The following BNC2 variants were observed in gnomAD, a reference collection of about 807,000 sequenced individuals.
BNC2 encodes the protein basonuclin zinc finger protein 2.
BNC2 carries 20 observed loss-of-function variants against 76.3 expected under a neutral mutation model. The observed-to-expected ratio is 0.26, with a 90% CI of 0.18 to 0.38. The LOEUF (loss-of-function observed/expected upper bound fraction) is 0.38, where lower values mean the gene tolerates loss of function less well. BNC2 is among the 10% of genes least tolerant of loss of function. The pLI, the probability that BNC2 is intolerant of heterozygous loss-of-function variation, is 1.00. For synonymous variants in BNC2, 582 were observed against 514.8 expected (o/e 1.13, Z -1.77); for missense variants, 1,382 against 1,399.8 (o/e 0.99, Z 0.20).
At chr9:16,790,249 G>A (rs374023093) in intron 1 of BNC2, among the ~76,000 whole-genome samples, 11 of 152,192 alleles carry the variant, frequency 7.2e-5, no homozygotes, top group Admixed American at 2.0e-4. Context: ...CGCCCGCCTC[G>A]GCCTCCCAAA....
chr9:16,561,698 T>G, intron 4 of BNC2, among the ~76,000 whole-genome samples: 1 of 152,154 alleles, frequency 6.6e-6, no homozygotes, highest in South Asian at 2.1e-4. Flanking sequence ...TAATTCACAA[T>G]TTGATTATTA....
intron 1 of BNC2, among the ~76,000 whole-genome samples, chr9:16,766,611 T>C (rs563705588): frequency 6.6e-6 from 1 of 152,198 alleles, no homozygotes; most frequent in Non-Finnish European, 1.5e-5. Flanking sequence ...GCAAAATAAT[T>C]TCATGTGTTT....
intron 4 of BNC2, among the ~76,000 whole-genome samples, chr9:16,557,143 T>G (rs1818859127): frequency 6.6e-6 from 1 of 152,130 alleles, no homozygotes; most frequent in Admixed American, 6.5e-5. Flanking sequence ...AGATGTCACC[T>G]ACTTTAATAT....
intron 1 of BNC2, among the ~76,000 whole-genome samples, chr9:16,801,941 C>T (rs369647376): frequency 6.6e-6 from 1 of 151,976 alleles, no homozygotes; most frequent in African/African-American, 2.4e-5. Flanking sequence ...AAGTTTTTCC[C>T]GTTTCAGTAT....
chr9:16,829,868 C>T (rs971117723), intron 1 of BNC2, among the ~76,000 whole-genome samples: 1 of 151,976 alleles, frequency 6.6e-6, no homozygotes, highest in African/African-American at 2.4e-5. Flanking sequence ...AACAGAAATG[C>T]CCCCCTAAAG....
At chr9:16,791,997 G>A (rs1364950884) in intron 1 of BNC2, among the ~76,000 whole-genome samples, 4 of 151,568 alleles carry the variant, frequency 2.6e-5, no homozygotes, top group Admixed American at 2.6e-4. Flanking sequence ...AACTACTTGG[G>A]AGGTGAAGGT....
chr9:16,839,611 C>T (rs1305812541), intron 1 of BNC2, among the ~76,000 whole-genome samples: 2 of 152,166 alleles, frequency 1.3e-5, no homozygotes, highest in Non-Finnish European at 2.9e-5. Context: ...CTCTAGCTCT[C>T]GGACCAACGA....
In BNC2 at chr9:16,800,944, A is replaced by C. The variant is rs935911191; in HGVS notation, c.4-62459T>G. 5.3e-5 allele frequency among the ~76,000 whole-genome samples: 8 copies of C among 152,352 alleles called. No individual in the cohort carries two copies. The South Asian group carries it at 6.2e-4, about 12-fold the overall frequency. On this transcript the variant is annotated intron_variant, in intron 1 of 6. Transcript: ENST00000380672. ...TGTTTTAGAAGCAAAAGGGAAAAATAATAACCAAAAATTAAGTTGTTGCTA... is the reference window on the plus strand; with the variant it reads ...TGTTTTAGAAGCAAAAGGGAAAAATCATAACCAAAAATTAAGTTGTTGCTA...
In BNC2 at chr9:16,418,724, G is replaced by T; in HGVS notation, c.*265C>A. ...TGTGTGTGTGTGTGTGTTTAAAGGG[G>T]TACTCTGTTTTCACCCTGAAATCAA... is the stretch of plus-strand genomic sequence containing the variant. On this transcript the variant is annotated 3_prime_UTR_variant, in exon 7 of 7. Coordinates refer to ENST00000380672, the MANE Select transcript of BNC2 (RefSeq NM_017637.6). 1 of 464,238 alleles carries T rather than the reference G, an allele frequency of 2.2e-6. No homozygotes were observed. The highest frequency in any genetic ancestry group is 3.9e-6 in the Non-Finnish European group (1 of 254,960). The allele number at this position is 464,238 out of a possible 1,614,324, so 28.8% of individuals were successfully genotyped here.
intron 5 of BNC2, among the ~76,000 whole-genome samples, chr9:16,486,957 T>C (rs1441135539): frequency 2.0e-5 from 3 of 152,166 alleles, no homozygotes. Context: ...AGTCCTCCCA[T>C]CTTGGCCTCA....
intron 3 of BNC2, among the ~76,000 whole-genome samples, chr9:16,640,281 T>A (rs1186008666): frequency 2.0e-5 from 3 of 152,122 alleles, no homozygotes; most frequent in African/African-American, 7.2e-5. Flanking sequence ...AGGGTCTCAA[T>A]CTCTCTCTCT....
At chr9:16,818,110 T>TA (rs996539907) in intron 1 of BNC2, among the ~76,000 whole-genome samples, 6 of 151,874 alleles carry the variant, frequency 4.0e-5, no homozygotes, top group Non-Finnish European at 1.5e-5. Flanking sequence ...AAATAAAAAT[T>TA]AAAAAAAATT....
At chr9:16,771,837 A>G (rs539975143) in intron 1 of BNC2, among the ~76,000 whole-genome samples, 1 of 152,256 alleles carries the variant, frequency 6.6e-6, no homozygotes, top group Non-Finnish European at 1.5e-5. Flanking sequence ...TACCCTCACA[A>G]CCCTAATCCT....
chr9:16,424,674 A>C (rs1820771947), intron 6 of BNC2, among the ~76,000 whole-genome samples: 1 of 152,158 alleles, frequency 6.6e-6, no homozygotes, highest in South Asian at 2.1e-4. Flanking sequence ...GAGAGAGATA[A>C]ATTTATATCC....
intron 3 of BNC2, among the ~76,000 whole-genome samples, chr9:16,614,404 T>C (rs1157275016): frequency 6.6e-6 from 1 of 152,004 alleles, no homozygotes; most frequent in Non-Finnish European, 1.5e-5. Context: ...ACAGATTCAG[T>C]TTACTGTGAT....
chr9:16,733,936 C>T (rs1824585086), intron 2 of BNC2, among the ~76,000 whole-genome samples: 1 of 152,088 alleles, frequency 6.6e-6, no homozygotes, highest in Non-Finnish European at 1.5e-5. Flanking sequence ...CTGCACTCTC[C>T]CACTGGCTCC....
intron 3 of BNC2, among the ~76,000 whole-genome samples, chr9:16,606,805 AC>A (rs747183135): frequency 1.3e-5 from 2 of 152,024 alleles, no homozygotes; most frequent in Admixed American, 1.3e-4. Flanking sequence ...TGATCCACTC[AC>A]CTGGGCCTCC....
chr9:16,770,583 A>C (rs1258961631), intron 1 of BNC2, among the ~76,000 whole-genome samples: 1 of 152,052 alleles, frequency 6.6e-6, no homozygotes, highest in Non-Finnish European at 1.5e-5. Flanking sequence ...GGGCTGTTTC[A>C]CCTGAGAAGT....
chr9:16,674,622 G>A (rs537254487), intron 3 of BNC2, among the ~76,000 whole-genome samples: 2 of 152,194 alleles, frequency 1.3e-5, no homozygotes, highest in East Asian at 1.9e-4. Flanking sequence ...TTATTTGTAG[G>A]ACTTTAAGAC....
Sources: allele counts gnomAD v4.1 joint callset (sites outside exome capture counted in the v4.1 genomes callset), GRCh38; gene constraint gnomAD v4.1.1; transcripts MANE v1.5; gene names NCBI Gene and HGNC (gene_info 2026-07-23, HGNC 2026-07-21).